NBEAL1: variants seen among roughly 807,000 people sequenced by gnomAD.
NBEAL1 encodes the protein neurobeachin like 1.
Under a neutral mutation model 351.3 loss-of-function variants are expected in NBEAL1, and 273 were observed. That is an observed-to-expected ratio of 0.78 (90% CI 0.70 to 0.86). The LOEUF (loss-of-function observed/expected upper bound fraction) is 0.86. Ranked by LOEUF, NBEAL1 falls within the 40% of genes least tolerant of loss-of-function variation. The pLI is 0.00. For synonymous variants in NBEAL1, 1,050 were observed against 1,086.4 expected (o/e 0.97, Z 0.66); for missense variants, 2,961 against 3,201.3 (o/e 0.92, Z 1.81).
chr2:203,195,070 C>T (rs1397083163), intron 47 of NBEAL1, among the ~76,000 whole-genome samples: 7 of 151,458 alleles, frequency 4.6e-5, no homozygotes, highest in Non-Finnish European at 8.8e-5. Flanking sequence ...TGGTGGTGGA[C>T]GCCTGTAGTC....
rs2062952315 is a variant in NBEAL1 at position 203,126,990 on chromosome 2, G to A, written c.3248+64G>A. On this transcript the variant is annotated intron_variant, in intron 23 of 55. Transcript: ENST00000683969. The stretch of plus-strand genomic sequence containing the variant: ...TTTCTGTCTGCTACTTGATTGGAAT[G>A]TGTAGACTGTAGACTTTCTCTTTAC... The A allele has an allele frequency of 4.4e-6, 5 of 1,127,476 alleles. No individual in the cohort carries two copies. The South Asian group carries it at 5.7e-5, about 13-fold the overall frequency. 69.8% of individuals were successfully genotyped at this position (1,127,476 alleles called of 1,614,324 possible). A position where few individuals can be genotyped will look rare whatever the true frequency, so the allele number is the denominator to read the frequency against.
chr2:203,080,113 G>GT (rs1194657980), intron 8 of NBEAL1, among the ~76,000 whole-genome samples: 1 of 152,082 alleles, frequency 6.6e-6, no homozygotes, highest in East Asian at 1.9e-4. Flanking sequence ...ACCATTCTGA[G>GT]TTTAAGAGTT....
chr2:203,199,119 G>T (rs1488654280), intron 48 of NBEAL1, among the ~76,000 whole-genome samples: 3 of 152,274 alleles, frequency 2.0e-5, no homozygotes, highest in Middle Eastern at 3.4e-3. Context: ...TCCAGCCTGG[G>T]CAACAGAGTG....
intron 25 of NBEAL1, among the ~76,000 whole-genome samples, chr2:203,131,513 G>A (rs2063072352): frequency 6.6e-6 from 1 of 152,194 alleles, no homozygotes; most frequent in African/African-American, 2.4e-5. Flanking sequence ...ACTGTGCCCA[G>A]TCCAGTTTAT....
At chr2:203,207,304 C>T (rs1220673274) in intron 51 of NBEAL1, among the ~76,000 whole-genome samples, 1 of 151,576 alleles carries the variant, frequency 6.6e-6, no homozygotes, top group Non-Finnish European at 1.5e-5. Flanking sequence ...GTCAGCCCCC[C>T]GCCCGGCCAG....
At chr2:203,089,262 G>A (rs1411657290) in intron 10 of NBEAL1, among the ~76,000 whole-genome samples, 1 of 151,842 alleles carries the variant, frequency 6.6e-6, no homozygotes, top group East Asian at 1.9e-4. Context: ...GGGAGGCTGA[G>A]GCAAGAGAAT....
chr2:203,050,523 G>T (rs2061308184), intron 4 of NBEAL1, among the ~76,000 whole-genome samples: 1 of 152,022 alleles, frequency 6.6e-6, no homozygotes, highest in African/African-American at 2.4e-5. Context: ...TTTTCATATG[G>T]TTCTCACCTG....
chr2:203,077,782 A>T lies in NBEAL1; in HGVS notation c.629A>T (p.Glu210Val). The T allele has an allele frequency of 6.8e-7, 1 of 1,464,296 alleles. No homozygotes were observed. Among genetic ancestry groups the T allele is most frequent in the Non-Finnish European group, 9.1e-7 (1 of 1,102,834 alleles). 90.7% of individuals were successfully genotyped at this position (1,464,296 alleles called of 1,614,324 possible). Residue 210 changes from glutamate to valine, a missense_variant, in exon 8 of 56, where the codon GAA (glutamate) becomes GTA (valine). Glu to Val is a moderately radical substitution (Grantham distance 121). Coordinates refer to ENST00000683969, the MANE Select transcript of NBEAL1 (RefSeq NM_001378026.1). The stretch of plus-strand genomic sequence containing the variant: ...TTTCAGGAAAGTGAACATCTCAAGG[A>T]AAGTCTTAAATGTTGCTTATTGCAT... ...QCFQESEHLK[E>V]SLKCCLLHLF...
chr2:203,159,821 A>G (rs2106376202), intron 36 of NBEAL1, among the ~76,000 whole-genome samples: 1 of 152,116 alleles, frequency 6.6e-6, no homozygotes, highest in Non-Finnish European at 1.5e-5. Context: ...ACTGTTTTTT[A>G]CAGGGACTGT....
intron 51 of NBEAL1, among the ~76,000 whole-genome samples, chr2:203,204,218 C>T (rs1317706533): frequency 6.7e-6 from 1 of 149,910 alleles, no homozygotes; most frequent in Non-Finnish European, 1.5e-5. Flanking sequence ...TGAGCCACCG[C>T]ACCCGGCCCC....
chr2:203,114,146 G>C (rs1337110893), intron 17 of NBEAL1, among the ~76,000 whole-genome samples: 1 of 151,968 alleles, frequency 6.6e-6, no homozygotes, highest in Non-Finnish European at 1.5e-5. Context: ...TATTATAAGG[G>C]GTTCTCTCAG....
chr2:203,224,588 C>T lies in NBEAL1; in HGVS notation c.*7234C>T, dbSNP rs535830560. Among the ~76,000 whole-genome samples the T allele has an allele frequency of 2.0e-5, 3 of 152,166 alleles. No homozygotes were observed. Among genetic ancestry groups the T allele is most frequent in the South Asian group, 2.1e-4 (1 of 4,812 alleles). On this transcript the variant is annotated 3_prime_UTR_variant, in exon 56 of 56. Transcript: ENST00000683969. ...GTATATGCACATAGTCAATTCAGAG[C>T]GTAATAACTAAAAATTCAGAATGAC...
At chr2:203,160,103 A>C (rs1244961059) in intron 36 of NBEAL1, among the ~76,000 whole-genome samples, 1 of 147,772 alleles carries the variant, frequency 6.8e-6, no homozygotes, top group Non-Finnish European at 1.5e-5. Context: ...TTTTTAGACA[A>C]AGTCTTGCTC....
rs1455252458 is a variant in NBEAL1, at chr2:203,221,133, G to T, written c.*3779G>T. On this transcript the variant is annotated 3_prime_UTR_variant, in exon 56 of 56. Coordinates refer to ENST00000683969, the MANE Select transcript of NBEAL1 (RefSeq NM_001378026.1). Reference sequence around the variant, plus strand: ...GACATTTTATATTTTGTGTGAAAAGGAGTGGTCAGGGGAAACTGTTAACTT... The same window carrying T: ...GACATTTTATATTTTGTGTGAAAAGTAGTGGTCAGGGGAAACTGTTAACTT... Among the ~76,000 whole-genome samples, 1 of 151,964 alleles carries T rather than the reference G, an allele frequency of 6.6e-6. No individual in the cohort carries two copies. Among genetic ancestry groups the T allele is most frequent in the Non-Finnish European group, 1.5e-5 (1 of 67,976 alleles).
intron 51 of NBEAL1, among the ~76,000 whole-genome samples, chr2:203,205,341 C>T (rs1194807537): frequency 6.6e-6 from 1 of 152,026 alleles, no homozygotes; most frequent in Non-Finnish European, 1.5e-5. Flanking sequence ...TATCATGTTC[C>T]TTTACCCCTA....
At chr2:203,016,473 C>G in intron 2 of NBEAL1, 38 bp downstream of exon 2, 1 of 1,297,494 alleles carries the variant, frequency 7.7e-7, no homozygotes, top group Non-Finnish European at 1.0e-6. Context: ...TTTTAAAATA[C>G]TTTATTATAA....
rs1290901510 is a variant in NBEAL1 at position 203,135,760 on chromosome 2, T to C, written c.3897T>C (p.Leu1299=). Residue 1299 remains leucine (L), a synonymous_variant, in exon 28 of 56, where the codon CTT becomes CTC. Coordinates refer to ENST00000683969, the MANE Select transcript of NBEAL1 (RefSeq NM_001378026.1). ...QVGWQDTLVR[L]FLKAKFENGN... is the part of the protein sequence containing the mutation. ...GTTGGCAAGACACCTTAGTTAGGCT[T>C]TTTTTAAAAGCAAAATTTGAAAACG... is the stretch of plus-strand genomic sequence containing the variant. The C allele has an allele frequency of 6.3e-7, 1 of 1,598,314 alleles. No homozygotes were observed. Among genetic ancestry groups the C allele is most frequent in the African/African-American group, 1.3e-5 (1 of 74,724 alleles).
intron 49 of NBEAL1, among the ~76,000 whole-genome samples, chr2:203,200,833 A>G (rs2065377114): frequency 2.0e-5 from 3 of 152,248 alleles, no homozygotes; most frequent in African/African-American, 7.2e-5. Context: ...ATACAACTTC[A>G]TGAGATTAAG....
chr2:203,138,784 C>G, intron 31 of NBEAL1, 36 bp downstream of exon 31: 1 of 1,583,096 alleles, frequency 6.3e-7, no homozygotes, highest in African/African-American at 1.4e-5. Context: ...TCTGTGCTTG[C>G]ATGCAGCATA....
Sources: gnomAD v4.1 joint callset for allele counts (sites outside exome capture counted in the v4.1 genomes callset) on GRCh38, gnomAD v4.1.1 for gene constraint, MANE v1.5 for transcripts, NCBI Gene and HGNC (gene_info 2026-07-23, HGNC 2026-07-21) for gene names.